SLC37A3: variants seen among roughly 807,000 people sequenced by gnomAD.
The protein encoded by SLC37A3 is solute carrier family 37 member 3, also known as sugar phosphate exchanger 3.
A neutral mutation model predicts 67.1 loss-of-function variants in SLC37A3; 51 were observed. The ratio of observed to expected loss-of-function variants is 0.76; its 90% confidence interval spans 0.61 to 0.96. The LOEUF is 0.96. SLC37A3 is among the 40% of genes least tolerant of loss of function. The probability of loss-of-function intolerance (pLI) is 0.00; values close to 1 mark genes in which losing one functional copy is unlikely to be tolerated. For missense variants in SLC37A3, 508 were observed against 603.0 expected (o/e 0.84, Z 1.65); for synonymous variants, 214 against 231.4 (o/e 0.92, Z 0.68).
At chr7:140,361,566 C>T (rs1480196044) in intron 5 of SLC37A3, among the ~76,000 whole-genome samples, 2 of 135,378 alleles carry the variant, frequency 1.5e-5, no homozygotes, top group African/African-American at 5.6e-5. Context: ...TCTCTCTCCA[C>T]GGTCTCCTTC....
chr7:140,352,793 G>A (rs1796867402), intron 7 of SLC37A3, among the ~76,000 whole-genome samples: 1 of 152,146 alleles, frequency 6.6e-6, no homozygotes, highest in Admixed American at 6.6e-5. Context: ...AAACTGATTT[G>A]GAAAGGTGAC....
At chr7:140,361,354 T>C (rs1432154161) in intron 5 of SLC37A3, among the ~76,000 whole-genome samples, 3 of 151,892 alleles carry the variant, frequency 2.0e-5, no homozygotes, top group Non-Finnish European at 4.4e-5. Flanking sequence ...TGGTGGTGCA[T>C]GCTTGTAATC....
chr7:140,358,370 A>T (rs907129115), intron 6 of SLC37A3, among the ~76,000 whole-genome samples: 1 of 152,192 alleles, frequency 6.6e-6, no homozygotes, highest in African/African-American at 2.4e-5. Context: ...AAAATAAAAA[A>T]TTGAGACCTC....
rs766459870 is a variant in SLC37A3, at chr7:140,351,440, T to A, written c.715A>T (p.Ile239Phe). The A allele has an allele frequency of 6.2e-7, 1 of 1,613,990 alleles. No individual in the cohort carries two copies. Among genetic ancestry groups the A allele is most frequent in the South Asian group, 1.1e-5 (1 of 91,070 alleles). ...TCTTCAAAGTTTTCTTCTGCCTCAA[T>A]ACCCGAGAGACCTAAAATAACAGCG... Reference protein sequence around the residue: ...VSPEEIGLSGIEAEENFEEDS... With the variant: ...VSPEEIGLSGFEAEENFEEDS... Residue 239 changes from isoleucine (I) to phenylalanine (F), a missense_variant, in exon 9 of 15, where the codon ATT (isoleucine) becomes TTT (phenylalanine). Ile to Phe is a conservative substitution (Grantham distance 21). Coordinates refer to ENST00000326232, the MANE Select transcript of SLC37A3 (RefSeq NM_207113.3).
intron 3 of SLC37A3, among the ~76,000 whole-genome samples, chr7:140,376,918 TA>T (rs1186161340): frequency 6.7e-6 from 1 of 149,356 alleles, no homozygotes; most frequent in East Asian, 2.0e-4. Context: ...GGAGTACAGG[TA>T]TGTGCCACCA....
At chr7:140,350,012 A>T (rs1361304609) in intron 9 of SLC37A3, among the ~76,000 whole-genome samples, 1 of 152,202 alleles carries the variant, frequency 6.6e-6, no homozygotes, top group Non-Finnish European at 1.5e-5. Context: ...ACTTTGTTGG[A>T]AATGTTAGTT....
At position 140,335,232 on chromosome 7, in the gene SLC37A3, T is replaced by C. The variant is rs749641753; in HGVS notation, c.*180A>G. On this transcript the variant is annotated 3_prime_UTR_variant, in exon 15 of 15. Transcript: ENST00000326232. The stretch of plus-strand genomic sequence containing the variant: ...AAATCATCAACAGTAATTCCTGTAG[T>C]GTAGAAAACTAGTGCAGCCTTCACT... The C allele has an allele frequency of 1.9e-6, 3 of 1,612,390 alleles. No homozygotes were observed. The highest frequency in any genetic ancestry group is 1.7e-4 in the Middle Eastern group (1 of 6,044).
intron 13 of SLC37A3, among the ~76,000 whole-genome samples, chr7:140,339,437 T>G (rs1327139141): frequency 6.6e-6 from 1 of 151,488 alleles, no homozygotes; most frequent in Non-Finnish European, 1.5e-5. Flanking sequence ...ATTTTCGTAT[T>G]TTTAGTAGAG....
intron 2 of SLC37A3, 47 bp downstream of exon 2, chr7:140,382,391 A>G: frequency 6.4e-7 from 1 of 1,556,192 alleles, no homozygotes; most frequent in Non-Finnish European, 8.9e-7. Flanking sequence ...TCTCCCTCAA[A>G]AGAAAAAAGA....
chr7:140,349,788 G>A (rs764867726), intron 9 of SLC37A3, among the ~76,000 whole-genome samples: 19 of 152,152 alleles, frequency 1.2e-4, no homozygotes, highest in Non-Finnish European at 1.8e-4. Flanking sequence ...AATAGCTTGT[G>A]AAGAACAAAG....
intron 1 of SLC37A3, among the ~76,000 whole-genome samples, chr7:140,382,855 T>G (rs1798311639): frequency 6.6e-6 from 1 of 151,654 alleles, no homozygotes; most frequent in Non-Finnish European, 1.5e-5. Context: ...CACTCATTCT[T>G]ATAGAAAAAA....
chr7:140,392,963 G>A (rs1798778004), intron 1 of SLC37A3, among the ~76,000 whole-genome samples: 1 of 152,068 alleles, frequency 6.6e-6, no homozygotes, highest in Non-Finnish European at 1.5e-5. Flanking sequence ...GCAGTGGCAT[G>A]CGCCTGTAAT....
At chr7:140,393,962 C>T (rs1188932392) in intron 1 of SLC37A3, among the ~76,000 whole-genome samples, 3 of 151,852 alleles carry the variant, frequency 2.0e-5, no homozygotes, top group East Asian at 3.9e-4. Context: ...CTTGAGCCCA[C>T]GAGTTCGGGA....
At chr7:140,376,615 G>C (rs955718095) in intron 3 of SLC37A3, among the ~76,000 whole-genome samples, 3 of 152,176 alleles carry the variant, frequency 2.0e-5, no homozygotes, top group South Asian at 2.1e-4. Context: ...GGCTATCCAG[G>C]GGGGCAGGGG....
At chr7:140,355,069 T>G (rs1444200513) in intron 7 of SLC37A3, among the ~76,000 whole-genome samples, 1 of 151,846 alleles carries the variant, frequency 6.6e-6, no homozygotes, top group South Asian at 2.1e-4. Context: ...ATCTGTAACA[T>G]GAGTTGCAAA....
chr7:140,383,981 A>G (rs969933091), intron 1 of SLC37A3, among the ~76,000 whole-genome samples: 6 of 152,142 alleles, frequency 3.9e-5, no homozygotes, highest in African/African-American at 1.2e-4. Flanking sequence ...CCTGGCCCCA[A>G]TGCCTTTTCA....
At chr7:140,356,189 A>T (rs972867282) in intron 6 of SLC37A3, among the ~76,000 whole-genome samples, 1 of 122,310 alleles carries the variant, frequency 8.2e-6, no homozygotes, top group Admixed American at 8.5e-5. Flanking sequence ...GCGAGACTCC[A>T]CCTCCCAAAA....
At chr7:140,380,699 G>A (rs752429089) in intron 2 of SLC37A3, among the ~76,000 whole-genome samples, 4 of 151,568 alleles carry the variant, frequency 2.6e-5, no homozygotes, top group Non-Finnish European at 4.4e-5. Context: ...ACTCTACCAC[G>A]CCCAGTGCAC....
At chr7:140,345,619 C>T (rs1796524906) in intron 11 of SLC37A3, among the ~76,000 whole-genome samples, 1 of 152,130 alleles carries the variant, frequency 6.6e-6, no homozygotes, top group Non-Finnish European at 1.5e-5. Context: ...CCAAACAAAG[C>T]ATATACACTC....
Sources: gnomAD v4.1 joint callset for allele counts (sites outside exome capture counted in the v4.1 genomes callset) on GRCh38, gnomAD v4.1.1 for gene constraint, MANE v1.5 for transcripts, NCBI Gene and HGNC (gene_info 2026-07-23, HGNC 2026-07-21) for gene names.